Variants in ACSL3 observed in about 807,000 individuals in gnomAD.
ACSL3 encodes acyl-CoA synthetase long chain family member 3, also known as fatty acid CoA ligase Acsl3.
Under a neutral mutation model 84.7 loss-of-function variants are expected in ACSL3, and 34 were observed. That is an observed-to-expected ratio of 0.40 (90% CI 0.31 to 0.53). The LOEUF (loss-of-function observed/expected upper bound fraction) is 0.53, where lower values mean the gene tolerates loss of function less well. ACSL3 is among the 20% of genes least tolerant of loss of function. The pLI is 0.48. For missense variants in ACSL3, 680 were observed against 873.1 expected (o/e 0.78, Z 2.79); for synonymous variants, 315 against 299.4 (o/e 1.05, Z -0.54).
At chr2:222,918,594 T>C (rs924524845) in intron 6 of ACSL3, among the ~76,000 whole-genome samples, 2 of 150,758 alleles carry the variant, frequency 1.3e-5, no homozygotes. Context: ...CTTTGGTCTC[T>C]AGACAACTCC....
At chr2:222,923,227 A>G in intron 10 of ACSL3, 78 bp downstream of exon 10, 2 of 1,202,106 alleles carry the variant, frequency 1.7e-6, no homozygotes, top group Non-Finnish European at 2.5e-6. Context: ...AGTGAAAAAT[A>G]TATTGTTGAC....
intron 1 of ACSL3, among the ~76,000 whole-genome samples, chr2:222,863,944 A>G (rs1313219723): frequency 6.6e-6 from 1 of 152,192 alleles, no homozygotes; most frequent in Non-Finnish European, 1.5e-5. Flanking sequence ...AAGAGATTTC[A>G]GTTAATGTAT....
Position 222,916,632 on chromosome 2 carries a change from G to C in ACSL3, c.556+136G>C. 3 of 1,020,754 alleles carry C rather than the reference G, an allele frequency of 2.9e-6. No individual in the cohort carries two copies. In the South Asian group the frequency reaches 7.7e-5, roughly 26 times the overall value. 63.2% of individuals were successfully genotyped at this position (1,020,754 alleles called of 1,614,324 possible). A position where few individuals can be genotyped will look rare whatever the true frequency, so the allele number is the denominator to read the frequency against. On this transcript the variant is annotated intron_variant, in intron 5 of 16. Coordinates refer to ENST00000357430, the MANE Select transcript of ACSL3 (RefSeq NM_004457.5). ...TAGTGGAGAACTCTGTTGTGACTTG[G>C]AATTTTTGGTTTATTTTGGAAAATA...
rs141003189 is a variant in ACSL3 at position 222,940,557 on chromosome 2, CAT to C, written c.2006-935_2006-934del. On this transcript the variant is annotated intron_variant, in intron 16 of 16. Coordinates refer to ENST00000357430, the MANE Select transcript of ACSL3 (RefSeq NM_004457.5). ...TTCAGTCAGTGACAGACACAGACTG[CAT>C]ATATGACAGTGGTCACGTAAGATTA... 6.7e-3 allele frequency among the ~76,000 whole-genome samples: 1,013 copies of C among 151,510 alleles called. 6 individuals are homozygous for C. The highest frequency in any genetic ancestry group is 0.021 in the African/African-American group (856 of 41,270).
intron 4 of ACSL3, among the ~76,000 whole-genome samples, chr2:222,915,195 A>T (rs1696544926): frequency 6.6e-6 from 1 of 152,216 alleles, no homozygotes; most frequent in African/African-American, 2.4e-5. Flanking sequence ...TTTTGAAGTC[A>T]TTGGAGCTCC....
chr2:222,933,646 G>C, intron 15 of ACSL3: 1 of 164,546 alleles, frequency 6.1e-6, no homozygotes, highest in Non-Finnish European at 1.3e-5. Flanking sequence ...TGAGGAGTGT[G>C]CTGCTTACTT....
At chr2:222,893,696 CTCTCT>C (rs1695895951) in intron 2 of ACSL3, among the ~76,000 whole-genome samples, 1 of 151,762 alleles carries the variant, frequency 6.6e-6, no homozygotes, top group East Asian at 1.9e-4. Flanking sequence ...TTTCTTCCTT[CTCTCT>C]TCTCTTCTTT....
chr2:222,903,010 T>C (rs1387671336), intron 3 of ACSL3, among the ~76,000 whole-genome samples: 1 of 152,114 alleles, frequency 6.6e-6, no homozygotes, highest in Non-Finnish European at 1.5e-5. Flanking sequence ...CCAGCCTCTA[T>C]CAATATGGTA....
At chr2:222,923,716 A>G (rs958261642) in intron 10 of ACSL3, among the ~76,000 whole-genome samples, 6 of 152,234 alleles carry the variant, frequency 3.9e-5, no homozygotes, top group African/African-American at 1.4e-4. Context: ...AATGATGGGA[A>G]TTATTGTCGG....
At chr2:222,883,863 A>G (rs575917129) in intron 1 of ACSL3, among the ~76,000 whole-genome samples, 1 of 152,172 alleles carries the variant, frequency 6.6e-6, no homozygotes, top group South Asian at 2.1e-4. Context: ...TGACACTTGT[A>G]TTGACTCCTT....
chr2:222,906,695 A>G (rs989676699), intron 3 of ACSL3, among the ~76,000 whole-genome samples: 4 of 151,332 alleles, frequency 2.6e-5, no homozygotes, highest in African/African-American at 9.7e-5. Context: ...GCTCACTGCA[A>G]TCTCCGCCTC....
At chr2:222,941,441 C>G in intron 16 of ACSL3, 56 bp from the exon 17 acceptor site, 1 of 1,461,546 alleles carries the variant, frequency 6.8e-7, no homozygotes, top group Non-Finnish European at 9.2e-7. Context: ...GAAGTTACAC[C>G]ATTTGCTAAG....
intron 1 of ACSL3, among the ~76,000 whole-genome samples, chr2:222,873,148 A>G (rs1449289307): frequency 6.6e-6 from 1 of 152,210 alleles, no homozygotes; most frequent in Non-Finnish European, 1.5e-5. Context: ...GCAAACAGTT[A>G]ACTTTTTATG....
intron 2 of ACSL3, among the ~76,000 whole-genome samples, chr2:222,896,391 T>A (rs1410626803): frequency 9.2e-5 from 1 of 10,832 alleles, no homozygotes; most frequent in Non-Finnish European, 1.8e-4. Flanking sequence ...CCCCCCCACC[T>A]CCCTCCCGGA....
Position 222,943,419 on chromosome 2 carries a change from C to G in ACSL3, c.*1765C>G, listed in dbSNP as rs1697379373. 5.6e-6 allele frequency: 1 copy of G among 178,372 alleles called. No individual in the cohort carries two copies. Among genetic ancestry groups the G allele is most frequent in the Non-Finnish European group, 1.2e-5 (1 of 83,462 alleles). The allele number at this position is 178,372 out of a possible 1,614,324, so 11.0% of individuals were successfully genotyped here. ...GGCGGAGAGAATTTGTTTCTGATGCCTTGTCTTTAGAATAATTGTTTGCTT... is the reference window on the plus strand; with the variant it reads ...GGCGGAGAGAATTTGTTTCTGATGCGTTGTCTTTAGAATAATTGTTTGCTT... On this transcript the variant is annotated 3_prime_UTR_variant, in exon 17 of 17. Transcript: ENST00000357430.
chr2:222,921,260 G>GT lies in ACSL3; in HGVS notation c.806-14dup, dbSNP rs747315366. 1.9e-6 allele frequency: 3 copies of GT among 1,585,780 alleles called. No homozygotes were observed. Among genetic ancestry groups the GT allele is most frequent in the Non-Finnish European group, 2.6e-6 (3 of 1,158,120 alleles). ...GAATCTCATGAAAGTGTATGTGTGT[G>GT]TTTTTTCTCTTCAATGCAGAAAACC... On this transcript the variant is annotated intron_variant, in intron 7 of 16. Transcript: ENST00000357430.
intron 4 of ACSL3, among the ~76,000 whole-genome samples, chr2:222,913,097 A>G (rs1159626705): frequency 2.0e-5 from 3 of 152,218 alleles, no homozygotes; most frequent in Non-Finnish European, 4.4e-5. Context: ...GCCATCAGAA[A>G]CACTTGATTT....
intron 1 of ACSL3, among the ~76,000 whole-genome samples, chr2:222,885,863 C>T (rs771023063): frequency 7.9e-5 from 12 of 152,054 alleles, no homozygotes; most frequent in Non-Finnish European, 1.6e-4. Flanking sequence ...CTGCCTCAGC[C>T]TCCAGAGTAG....
At chr2:222,902,029 C>A (rs191106535) in intron 3 of ACSL3, among the ~76,000 whole-genome samples, 1 of 149,542 alleles carries the variant, frequency 6.7e-6, no homozygotes, top group East Asian at 2.0e-4. Context: ...AAACACAATA[C>A]CCAAATTTAA....
Sources: allele counts gnomAD v4.1 joint callset (sites outside exome capture counted in the v4.1 genomes callset), GRCh38; gene constraint gnomAD v4.1.1; transcripts MANE v1.5; gene names NCBI Gene and HGNC (gene_info 2026-07-23, HGNC 2026-07-21).